Variants in IL10RB observed in about 807,000 individuals in gnomAD.
IL10RB encodes interleukin 10 receptor subunit beta.
Under a neutral mutation model 38.7 loss-of-function variants are expected in IL10RB, and 30 were observed. That is an observed-to-expected ratio of 0.78 (90% CI 0.58 to 1.05). The LOEUF (loss-of-function observed/expected upper bound fraction) is 1.05, where lower values mean the gene tolerates loss of function less well. Among genes scored for constraint, IL10RB ranks in the 50% least tolerant of loss-of-function variants. IL10RB has a pLI of 0.00. For synonymous variants in IL10RB, 142 were observed against 145.9 expected (o/e 0.97, Z 0.19); for missense variants, 328 against 397.1 (o/e 0.83, Z 1.48).
intron 4 of IL10RB, among the ~76,000 whole-genome samples, chr21:33,282,136 A>G (rs577410844): frequency 6.6e-6 from 1 of 151,892 alleles, no homozygotes; most frequent in East Asian, 1.9e-4. Flanking sequence ...TTTTCTTCAT[A>G]TATTCCATAA....
At chr21:33,268,682 G>A (rs1339777514) in intron 2 of IL10RB, among the ~76,000 whole-genome samples, 165 bp downstream of exon 2, 5 of 152,160 alleles carry the variant, frequency 3.3e-5, no homozygotes, top group South Asian at 2.1e-4. Flanking sequence ...GGAAATTCTC[G>A]TGGCCACCTT....
chr21:33,281,545 C>G (rs2849999), intron 4 of IL10RB, among the ~76,000 whole-genome samples: 7 of 151,980 alleles, frequency 4.6e-5, no homozygotes, highest in African/African-American at 1.7e-4. Flanking sequence ...CTGCACTGCT[C>G]CTCTCACAGG....
At chr21:33,281,858 C>A (rs1444165106) in intron 4 of IL10RB, among the ~76,000 whole-genome samples, 1 of 152,166 alleles carries the variant, frequency 6.6e-6, no homozygotes, top group Admixed American at 6.5e-5. Flanking sequence ...TTTGAGAATT[C>A]TTTCTTCCTG....
chr21:33,274,537 C>G (rs1205784521), intron 2 of IL10RB, among the ~76,000 whole-genome samples: 1 of 152,170 alleles, frequency 6.6e-6, no homozygotes, highest in Non-Finnish European at 1.5e-5. Flanking sequence ...CCATGGGCTA[C>G]AGAATGGATG....
At chr21:33,307,260 G>A (rs1319436762) in intron 1 of IL10RB, among the ~76,000 whole-genome samples, 2 of 152,166 alleles carry the variant, frequency 1.3e-5, no homozygotes, top group East Asian at 3.8e-4. Flanking sequence ...CTTAGTGTAA[G>A]AACATGTACT....
chr21:33,270,527 C>A (rs1409941974), intron 2 of IL10RB, among the ~76,000 whole-genome samples: 1 of 151,664 alleles, frequency 6.6e-6, no homozygotes, highest in Non-Finnish European at 1.5e-5. Flanking sequence ...ACTACAGGCG[C>A]CCGCCACCAC....
intron 2 of IL10RB, 50 bp from the exon 3 acceptor site, chr21:33,276,546 G>A: frequency 6.6e-7 from 1 of 1,524,986 alleles, no homozygotes; most frequent in East Asian, 2.3e-5. Context: ...CAGCCTCAGG[G>A]AGACTGAAGC....
At chr21:33,303,306 G>A (rs915879014) in intron 1 of IL10RB, among the ~76,000 whole-genome samples, 6 of 150,080 alleles carry the variant, frequency 4.0e-5, no homozygotes, top group Non-Finnish European at 8.9e-5. Flanking sequence ...GAATCCTCTT[G>A]CTTCTGCCCC....
chr21:33,298,670 T>A (rs2123609514), downstream of IL10RB, among the ~76,000 whole-genome samples: 1 of 152,168 alleles, frequency 6.6e-6, no homozygotes, highest in South Asian at 2.1e-4. Context: ...AATTTTAAGA[T>A]CTTGTTACAC....
intron 1 of IL10RB, among the ~76,000 whole-genome samples, chr21:33,307,573 G>T (rs2083001809): frequency 6.6e-6 from 1 of 152,064 alleles, no homozygotes; most frequent in South Asian, 2.1e-4. Context: ...TGGCATTTGA[G>T]GGCCTTTTTG....
chr21:33,288,555 C>T (rs1430382872), intron 6 of IL10RB, among the ~76,000 whole-genome samples: 1 of 152,024 alleles, frequency 6.6e-6, no homozygotes, highest in Non-Finnish European at 1.5e-5. Context: ...AGCCCCAGGT[C>T]CCTGAGGAGC....
chr21:33,272,933 C>T (rs888550831), intron 2 of IL10RB, among the ~76,000 whole-genome samples: 1 of 152,206 alleles, frequency 6.6e-6, no homozygotes, highest in African/African-American at 2.4e-5. Context: ...CGGTTGCTGT[C>T]GGGGCTGGTG....
chr21:33,307,216 T>G (rs1054968436), intron 1 of IL10RB, among the ~76,000 whole-genome samples: 8 of 152,212 alleles, frequency 5.3e-5, no homozygotes, highest in Admixed American at 2.6e-4. Context: ...CCCCAGTCCC[T>G]GAAGTCCTCC....
At chr21:33,287,530 T>A (rs746544370) in intron 5 of IL10RB, among the ~76,000 whole-genome samples, 8 of 152,106 alleles carry the variant, frequency 5.3e-5, no homozygotes, top group African/African-American at 1.4e-4. Context: ...AGCTAATTTT[T>A]AAAAAATTTT....
At chr21:33,282,564 T>G (rs928782791) in intron 4 of IL10RB, among the ~76,000 whole-genome samples, 2 of 152,184 alleles carry the variant, frequency 1.3e-5, no homozygotes, top group Admixed American at 1.3e-4. Flanking sequence ...AAGACCAGTT[T>G]ATTTTATTTA....
chr21:33,273,239 C>T (rs2068684467), intron 2 of IL10RB, among the ~76,000 whole-genome samples: 1 of 152,158 alleles, frequency 6.6e-6, no homozygotes, highest in Admixed American at 6.5e-5. Context: ...TATTTGTATA[C>T]AGGCATATCA....
intron 1 of IL10RB, among the ~76,000 whole-genome samples, chr21:33,307,322 G>C (rs2083001219): frequency 6.6e-6 from 1 of 152,186 alleles, no homozygotes; most frequent in Non-Finnish European, 1.5e-5. Context: ...ATCACACCAA[G>C]TACAGGCTAT....
chr21:33,272,643 C>T (rs1440837426), intron 2 of IL10RB, among the ~76,000 whole-genome samples: 1 of 152,196 alleles, frequency 6.6e-6, no homozygotes, highest in Non-Finnish European at 1.5e-5. Flanking sequence ...GACAAGGACT[C>T]ACCACGTTGT....
chr21:33,283,117 CT>C lies in IL10RB; in HGVS notation c.525del (p.Phe175LeufsTer92). On this transcript the variant is annotated frameshift_variant, in exon 5 of 7. Coordinates refer to ENST00000290200, the MANE Select transcript of IL10RB (RefSeq NM_000628.5). LOFTEE classifies it high-confidence loss of function. ...AGTTTCAAATTACTCCCCAGTATGACTTTGAGGTCCTCAGAAACCTGGAGCC... is the reference window on the plus strand; with the variant it reads ...AGTTTCAAATTACTCCCCAGTATGACTTGAGGTCCTCAGAAACCTGGAGCC... ...EKFQITPQYDFEVLRNLEPWT... is the reference protein window; with the variant it reads ...EKFQITPQYDXEVLRNLEPWT... The C allele has an allele frequency of 6.2e-7, 1 of 1,613,554 alleles. No individual in the cohort carries two copies.
Sources: allele counts gnomAD v4.1 joint callset (sites outside exome capture counted in the v4.1 genomes callset), GRCh38; gene constraint gnomAD v4.1.1; transcripts MANE v1.5; gene names NCBI Gene and HGNC (gene_info 2026-07-23, HGNC 2026-07-21).